PAG1: variants seen among roughly 807,000 people sequenced by gnomAD.
The protein encoded by PAG1 is phosphoprotein membrane anchor with glycosphingolipid microdomains 1.
In PAG1, 23 loss-of-function variants were observed where a neutral mutation model predicts 31.7. The ratio of observed to expected loss-of-function variants is 0.73; its 90% CI spans 0.52 to 1.03. PAG1 has a LOEUF of 1.03. Ranked by LOEUF, PAG1 falls within the 50% of genes least tolerant of loss-of-function variation. PAG1 has a pLI of 0.00. For synonymous variants in PAG1, 214 were observed against 210.3 expected (o/e 1.02, Z -0.15); for missense variants, 473 against 540.7 (o/e 0.87, Z 1.24).
At chr8:81,042,682 G>C (rs913953498) in intron 2 of PAG1, among the ~76,000 whole-genome samples, 2 of 152,056 alleles carry the variant, frequency 1.3e-5, no homozygotes, top group Non-Finnish European at 2.9e-5. Context: ...GAACAGGAGA[G>C]TCAAGCGGAG....
intron 1 of PAG1, among the ~76,000 whole-genome samples, chr8:81,072,096 C>T (rs367773378): frequency 1.3e-5 from 2 of 152,096 alleles, no homozygotes; most frequent in African/African-American, 2.4e-5. Flanking sequence ...GAAGATGTGG[C>T]GTGGGGAGAG....
At chr8:81,015,421 A>T (rs1808056023) in intron 3 of PAG1, among the ~76,000 whole-genome samples, 1 of 152,144 alleles carries the variant, frequency 6.6e-6, no homozygotes, top group African/African-American at 2.4e-5. Context: ...TATTCTACAC[A>T]TTGCAGCTGC....
In PAG1 at chr8:80,993,118, C is replaced by T. The variant is rs1309254016; in HGVS notation, c.110G>A (p.Cys37Tyr). The stretch of plus-strand genomic sequence containing the variant: ...TGGTTCTCACCTGTCACAACTAGAG[C>T]ACAGGAAGATGAGGAAGGTGATGAC... ...FFVITFLIFL[C>Y]SSCDREKKPR... Residue 37 changes from cysteine to tyrosine, a missense_variant, in exon 4 of 9, where the codon TGC (cysteine) becomes TAC (tyrosine). Transcript: ENST00000220597. 1.2e-6 allele frequency: 2 copies of T among 1,613,646 alleles called. No homozygotes were observed. The highest frequency in any genetic ancestry group is 2.2e-5 in the South Asian group (2 of 90,908).
intron 3 of PAG1, among the ~76,000 whole-genome samples, chr8:81,005,716 A>C (rs958640427): frequency 9.9e-5 from 15 of 152,142 alleles, no homozygotes; most frequent in African/African-American, 3.6e-4. Flanking sequence ...TCTGTATCAG[A>C]GCGCGTGTCC....
rs1038457083 is a variant in PAG1 at position 80,990,981 on chromosome 8, C to A, written c.177+498G>T. Among the ~76,000 whole-genome samples, 1 of 152,102 alleles carries A rather than the reference C, an allele frequency of 6.6e-6. No individual in the cohort carries two copies. Among genetic ancestry groups the A allele is most frequent in the Non-Finnish European group, 1.5e-5 (1 of 68,026 alleles). The stretch of plus-strand genomic sequence containing the variant: ...AATGGGGAAACTTGGACACAGCCAG[C>A]CATACATAGATGGGAGGTGATGTGA... On this transcript the variant is annotated intron_variant, in intron 5 of 8. Transcript: ENST00000220597. The surrounding 1 kb of genome is among the most constrained non-coding windows in gnomAD (Gnocchi z 5.1).
chr8:80,994,224 C>T (rs1807625290), intron 3 of PAG1, among the ~76,000 whole-genome samples: 2 of 151,990 alleles, frequency 1.3e-5, no homozygotes, highest in Admixed American at 6.5e-5. Flanking sequence ...TTATATTCAC[C>T]TGCATTTATT....
chr8:81,058,365 G>A (rs1808862339), intron 2 of PAG1, among the ~76,000 whole-genome samples: 1 of 152,178 alleles, frequency 6.6e-6, no homozygotes, highest in African/African-American at 2.4e-5. Context: ...AAAAATGCCA[G>A]GCAAGTGGTA....
chr8:81,074,241 C>A (rs1208246097), intron 1 of PAG1, among the ~76,000 whole-genome samples: 2 of 152,108 alleles, frequency 1.3e-5, no homozygotes, highest in Non-Finnish European at 2.9e-5. Context: ...GTTCCTTCAG[C>A]CGCACTCACC....
At chr8:81,023,017 T>TA in intron 3 of PAG1, among the ~76,000 whole-genome samples, 1 of 152,342 alleles carries the variant, frequency 6.6e-6, no homozygotes, top group Admixed American at 6.5e-5. Flanking sequence ...CTGGCTTCTT[T>TA]AAAGATTTCA....
At position 80,972,436 on chromosome 8, in the gene PAG1, A is replaced by T. The variant is rs1195834591; in HGVS notation, c.*4108T>A. 1 of 152,232 alleles carries T rather than the reference A, an allele frequency of 6.6e-6. No individual in the cohort carries two copies. The highest frequency in any genetic ancestry group is 1.5e-5 in the Non-Finnish European group (1 of 68,038). 9.4% of individuals were successfully genotyped at this position (152,232 alleles called of 1,614,324 possible). A position where few individuals can be genotyped will look rare whatever the true frequency, so the allele number is the denominator to read the frequency against. On this transcript the variant is annotated 3_prime_UTR_variant, in exon 9 of 9. Transcript: ENST00000220597. ...CCAGCTTTTTCGCACATCCTATCAC[A>T]TCGCTGCCTGCTGATGTTTTACACT...
intron 1 of PAG1, among the ~76,000 whole-genome samples, chr8:81,102,359 C>T (rs569951311): frequency 6.6e-6 from 1 of 152,038 alleles, no homozygotes; most frequent in Non-Finnish European, 1.5e-5. Flanking sequence ...AAAATCAGCA[C>T]CAATAACAAA....
rs1274307815 is a variant in PAG1, at chr8:80,975,510, A to G, written c.*1034T>C. 2 of 152,256 alleles carry G rather than the reference A, an allele frequency of 1.3e-5. No individual in the cohort carries two copies. 9.4% of individuals were successfully genotyped at this position (152,256 alleles called of 1,614,324 possible). ...AACAAAAATAAATGTTTACATTTTA[A>G]TCTTAGATTACCTTAGGGTAGCAGT... On this transcript the variant is annotated 3_prime_UTR_variant, in exon 9 of 9. Coordinates refer to ENST00000220597, the MANE Select transcript of PAG1 (RefSeq NM_018440.4).
intron 1 of PAG1, among the ~76,000 whole-genome samples, chr8:81,089,161 G>C (rs774329994): frequency 2.6e-5 from 4 of 152,226 alleles, no homozygotes; most frequent in African/African-American, 4.8e-5. Context: ...TTATGGGATA[G>C]TTAACAGCAT....
chr8:81,022,627 G>A (rs1808209774), intron 3 of PAG1, among the ~76,000 whole-genome samples: 1 of 152,076 alleles, frequency 6.6e-6, no homozygotes, highest in African/African-American at 2.4e-5. Context: ...ATATTATTGG[G>A]AAAATTGTAC....
In PAG1 at chr8:81,028,644, G is replaced by A. The variant is rs535344135; in HGVS notation, c.-81+1352C>T. 1.4e-4 allele frequency among the ~76,000 whole-genome samples: 22 copies of A among 152,288 alleles called. No homozygotes were observed. The South Asian group carries it at 2.9e-3, about 20-fold the overall frequency. ...ACTGTTTCTCCAAATTATGACTTACGTCTACAGTAATGAGAAGCTATTAAA... is the reference window on the plus strand; with the variant it reads ...ACTGTTTCTCCAAATTATGACTTACATCTACAGTAATGAGAAGCTATTAAA... On this transcript the variant is annotated intron_variant, in intron 3 of 8. Transcript: ENST00000220597.
intron 3 of PAG1, among the ~76,000 whole-genome samples, chr8:81,001,907 T>C (rs968001528): frequency 2.0e-5 from 3 of 152,172 alleles, no homozygotes; most frequent in Non-Finnish European, 2.9e-5. Flanking sequence ...GGTGAGGATG[T>C]GAGAGCCACA....
At chr8:81,054,309 G>A (rs911851628) in intron 2 of PAG1, among the ~76,000 whole-genome samples, 1 of 152,120 alleles carries the variant, frequency 6.6e-6, no homozygotes, top group Non-Finnish European at 1.5e-5. Flanking sequence ...GAGAAATGGG[G>A]CAGGTTATTT....
chr8:81,107,848 A>G (rs566159828), intron 1 of PAG1, among the ~76,000 whole-genome samples: 2 of 152,340 alleles, frequency 1.3e-5, no homozygotes, highest in Admixed American at 1.3e-4. Flanking sequence ...TATAACTTGT[A>G]TAACCTCCCA....
chr8:80,993,852 T>A (rs989387635), intron 3 of PAG1, among the ~76,000 whole-genome samples: 7 of 152,172 alleles, frequency 4.6e-5, no homozygotes, highest in African/African-American at 1.7e-4. Context: ...GTAATCCTCC[T>A]GCCTCAGCCT....
Sources: gnomAD v4.1 joint callset for allele counts (sites outside exome capture counted in the v4.1 genomes callset) on GRCh38, gnomAD v4.1.1 for gene constraint, Gnocchi (gnomAD v3.1) non-coding constraint, MANE v1.5 for transcripts, NCBI Gene and HGNC (gene_info 2026-07-23, HGNC 2026-07-21) for gene names.